SMARCC1: variants seen among roughly 807,000 people sequenced by gnomAD.
The protein encoded by SMARCC1 is SWI/SNF complex subunit SMARCC1.
Under a neutral mutation model 147.4 loss-of-function variants are expected in SMARCC1, and 43 were observed. That is an observed-to-expected ratio of 0.29 (90% CI 0.23 to 0.38). The LOEUF is 0.38. SMARCC1 is among the 10% of genes least tolerant of loss of function. The pLI, the probability that SMARCC1 is intolerant of heterozygous loss-of-function variation, is 1.00. For missense variants in SMARCC1, 1,119 were observed against 1,381.1 expected (o/e 0.81, Z 3.01); for synonymous variants, 495 against 484.4 (o/e 1.02, Z -0.29).
chr3:47,681,267 C>T (rs1369224708), intron 14 of SMARCC1, among the ~76,000 whole-genome samples: 1 of 152,116 alleles, frequency 6.6e-6, no homozygotes, highest in Non-Finnish European at 1.5e-5. Flanking sequence ...CATAAATGAG[C>T]CTTTGTCCAG....
chr3:47,730,108 G>A (rs757058060), intron 5 of SMARCC1, among the ~76,000 whole-genome samples: 10 of 152,192 alleles, frequency 6.6e-5, no homozygotes, highest in Non-Finnish European at 1.3e-4. Context: ...GAGCCCAGGA[G>A]GCAGAGTTTG....
intron 2 of SMARCC1, among the ~76,000 whole-genome samples, chr3:47,767,728 C>A (rs891432601): frequency 6.6e-6 from 1 of 150,800 alleles, no homozygotes; most frequent in African/African-American, 2.4e-5. Context: ...ATTAGCTGGG[C>A]GTGGTGGTGG....
intron 21 of SMARCC1, among the ~76,000 whole-genome samples, chr3:47,639,580 G>A (rs2033022217): frequency 6.6e-6 from 1 of 152,074 alleles, no homozygotes; most frequent in African/African-American, 2.4e-5. Context: ...CAGGTGCGGT[G>A]GTGTGCACCT....
intron 22 of SMARCC1, among the ~76,000 whole-genome samples, chr3:47,637,686 T>C (rs2032989244): frequency 6.7e-6 from 1 of 150,166 alleles, no homozygotes; most frequent in Non-Finnish European, 1.5e-5. Flanking sequence ...CATTCCAGCC[T>C]GTGCGACAGA....
intron 24 of SMARCC1, among the ~76,000 whole-genome samples, chr3:47,625,569 A>T (rs957924548): frequency 1.2e-4 from 18 of 152,116 alleles, no homozygotes; most frequent in Non-Finnish European, 4.4e-5. Context: ...TCCATAATAA[A>T]AGTTTAAAGG....
intron 26 of SMARCC1, among the ~76,000 whole-genome samples, chr3:47,596,575 A>T (rs1424969730): frequency 1.3e-5 from 2 of 151,582 alleles, no homozygotes; most frequent in Non-Finnish European, 2.9e-5. Context: ...TCAAAAAAAA[A>T]AAAATAAATA....
intron 21 of SMARCC1, among the ~76,000 whole-genome samples, chr3:47,652,254 G>C (rs546662748): frequency 3.2e-4 from 48 of 152,308 alleles, no homozygotes; most frequent in Non-Finnish European, 5.9e-4. Flanking sequence ...ACGAGCATAA[G>C]CCACAGCACC....
At chr3:47,621,999 T>C (rs2032740531) in intron 25 of SMARCC1, among the ~76,000 whole-genome samples, 1 of 152,150 alleles carries the variant, frequency 6.6e-6, no homozygotes, top group African/African-American at 2.4e-5. Flanking sequence ...ATTTAGATAA[T>C]TCACTTTAGA....
At position 47,684,144 on chromosome 3, in the gene SMARCC1, G is replaced by A. The variant is rs937747456; in HGVS notation, c.1385+1905C>T. Among the ~76,000 whole-genome samples the A allele has an allele frequency of 2.6e-5, 4 of 150,968 alleles. No homozygotes were observed. The South Asian group carries it at 8.3e-4, about 31-fold the overall frequency. Reference sequence around the variant, plus strand: ...AGTCCCAGCTACTTGGGAGGCTGAGGCAGGAGAATGGCGTGAACCCGGGAG... The same window carrying A: ...AGTCCCAGCTACTTGGGAGGCTGAGACAGGAGAATGGCGTGAACCCGGGAG... On this transcript the variant is annotated intron_variant, in intron 14 of 27. Transcript: ENST00000254480.
intron 21 of SMARCC1, among the ~76,000 whole-genome samples, chr3:47,647,396 T>C (rs893846708): frequency 6.6e-6 from 1 of 152,220 alleles, no homozygotes; most frequent in Admixed American, 6.5e-5. Flanking sequence ...TAGGCTAACG[T>C]AGATGTTCTG....
chr3:47,649,973 C>T (rs1443551488), intron 21 of SMARCC1, among the ~76,000 whole-genome samples: 1 of 152,152 alleles, frequency 6.6e-6, no homozygotes, highest in African/African-American at 2.4e-5. Flanking sequence ...CGAATGTCTT[C>T]AACCTACTTT....
rs757646910 is a variant in SMARCC1, at chr3:47,745,928, C to T, written c.381G>A (p.Lys127=). The change falls in exon 3 of 28, where the codon AAG becomes AAA. Residue 127 remains lysine, a synonymous_variant. Coordinates refer to ENST00000254480, the MANE Select transcript of SMARCC1 (RefSeq NM_003074.4). ...ALCHILGAAY[K]YKNEQGWRRF... ...CTTACCATCCCTGTTCATTTTTATA[C>T]TTGTAAGCAGCCCCAAGAATGTGAC... 8 of 1,578,672 alleles carry T rather than the reference C, an allele frequency of 5.1e-6. No individual in the cohort carries two copies. In the African/African-American group the frequency reaches 9.6e-5, roughly 19 times the overall value.
chr3:47,686,660 T>C (rs2033727552), intron 13 of SMARCC1, among the ~76,000 whole-genome samples: 1 of 152,240 alleles, frequency 6.6e-6, no homozygotes, highest in African/African-American at 2.4e-5. Flanking sequence ...ATTTTATTAT[T>C]TGTAACCTAA....
intron 21 of SMARCC1, among the ~76,000 whole-genome samples, chr3:47,653,748 T>A (rs142760481): frequency 6.6e-6 from 1 of 152,354 alleles, no homozygotes; most frequent in East Asian, 1.9e-4. Context: ...ATTTATGTTA[T>A]GGTCTGTTTT....
chr3:47,591,397 T>C (rs200438305), intron 26 of SMARCC1, among the ~76,000 whole-genome samples: 2 of 147,124 alleles, frequency 1.4e-5, no homozygotes, highest in East Asian at 2.0e-4. Context: ...AAAAGCCTCA[T>C]GTATGGTTCA....
At chr3:47,654,184 C>A (rs181956166) in intron 21 of SMARCC1, among the ~76,000 whole-genome samples, 31 of 152,198 alleles carry the variant, frequency 2.0e-4, no homozygotes, top group Non-Finnish European at 1.9e-4. Flanking sequence ...AATAAGACTG[C>A]CAATGTTTTT....
intron 2 of SMARCC1, among the ~76,000 whole-genome samples, chr3:47,752,740 T>G (rs1055566702): frequency 6.6e-6 from 1 of 151,990 alleles, no homozygotes; most frequent in East Asian, 1.9e-4. Context: ...CAGTGACCCA[T>G]GATCACAGTC....
At chr3:47,684,536 G>A (rs2033697732) in intron 14 of SMARCC1, among the ~76,000 whole-genome samples, 1 of 151,618 alleles carries the variant, frequency 6.6e-6, no homozygotes, top group Non-Finnish European at 1.5e-5. Flanking sequence ...TGCCTCCTGG[G>A]TTCAAGCGAT....
At chr3:47,695,939 TGC>T (rs1465372888) in intron 11 of SMARCC1, among the ~76,000 whole-genome samples, 3 of 124,102 alleles carry the variant, frequency 2.4e-5, no homozygotes, top group African/African-American at 6.3e-5. Flanking sequence ...TGGTGGTGCA[TGC>T]CTGTAATCCC....
Sources: gnomAD v4.1 joint callset for allele counts (sites outside exome capture counted in the v4.1 genomes callset) on GRCh38, gnomAD v4.1.1 for gene constraint, MANE v1.5 for transcripts, NCBI Gene and HGNC (gene_info 2026-07-23, HGNC 2026-07-21) for gene names.